Variants in ANKRD33B observed in about 807,000 individuals in gnomAD.
ANKRD33B encodes the protein ankyrin repeat domain 33B.
A neutral mutation model predicts 21.5 loss-of-function variants in ANKRD33B; 6 were observed. The ratio of observed to expected loss-of-function variants is 0.28; its 90% CI spans 0.15 to 0.55. The LOEUF is 0.55. Ranked by LOEUF, ANKRD33B falls within the 20% of genes least tolerant of loss-of-function variation. ANKRD33B has a pLI of 0.94. For synonymous variants in ANKRD33B, 347 were observed against 342.4 expected (o/e 1.01, Z -0.15); for missense variants, 698 against 747.2 (o/e 0.93, Z 0.77).
At chr5:10,626,309 T>A (rs756346048) in intron 2 of ANKRD33B, among the ~76,000 whole-genome samples, 2 of 152,272 alleles carry the variant, frequency 1.3e-5, no homozygotes, top group African/African-American at 2.4e-5. Context: ...CAGCAAGGGC[T>A]GTGCCTGTTT....
intron 2 of ANKRD33B, among the ~76,000 whole-genome samples, chr5:10,637,684 C>T (rs564895690): frequency 3.3e-4 from 50 of 152,170 alleles, no homozygotes; most frequent in African/African-American, 1.2e-3. Flanking sequence ...GCTTCCTGCC[C>T]TCATTGGCTG....
intron 1 of ANKRD33B, among the ~76,000 whole-genome samples, chr5:10,600,782 G>A (rs993678536): frequency 6.6e-6 from 1 of 152,086 alleles, no homozygotes; most frequent in Non-Finnish European, 1.5e-5. Flanking sequence ...CACCTGCTGG[G>A]AACATGAGAG....
chr5:10,618,262 C>T (rs550149557), intron 1 of ANKRD33B, 71 bp from the exon 2 acceptor site: 16 of 1,527,248 alleles, frequency 1.0e-5, no homozygotes, highest in Admixed American at 7.9e-5. Flanking sequence ...GGGTGCCCCT[C>T]GGGGTCCCCA....
chr5:10,566,755 A>G (rs558209716), intron 1 of ANKRD33B, among the ~76,000 whole-genome samples: 12 of 152,288 alleles, frequency 7.9e-5, no homozygotes, highest in African/African-American at 1.2e-4. Flanking sequence ...GTGGTATGGG[A>G]GGCTAGCTCC....
At chr5:10,630,693 G>A (rs555414230) in intron 2 of ANKRD33B, among the ~76,000 whole-genome samples, 1 of 152,278 alleles carries the variant, frequency 6.6e-6, no homozygotes, top group African/African-American at 2.4e-5. Context: ...GTTCAACAAA[G>A]TGTGGACAGT....
rs1737487888 is a variant in ANKRD33B, at chr5:10,656,352, G to T, written c.*6239G>T. ...CAGCCTGACTAAGACTTGATAAAAGGCACAGCCCTTGGCAGCAGGCAGTGC... is the reference window on the plus strand; with the variant it reads ...CAGCCTGACTAAGACTTGATAAAAGTCACAGCCCTTGGCAGCAGGCAGTGC... On this transcript the variant is annotated 3_prime_UTR_variant, in exon 4 of 4. Coordinates refer to ENST00000296657, the MANE Select transcript of ANKRD33B (RefSeq NM_001164440.2). 1 of 152,396 alleles carries T rather than the reference G, an allele frequency of 6.6e-6. No homozygotes were observed. The highest frequency in any genetic ancestry group is 1.5e-5 in the Non-Finnish European group (1 of 68,056). 9.4% of individuals were successfully genotyped at this position (152,396 alleles called of 1,614,324 possible).
chr5:10,605,867 T>C (rs146380932), intron 1 of ANKRD33B, among the ~76,000 whole-genome samples: 3 of 152,342 alleles, frequency 2.0e-5, no homozygotes, highest in South Asian at 4.1e-4. Flanking sequence ...GCCTTGCTAG[T>C]TCCTTTAAGT....
chr5:10,582,221 T>G (rs1560963388), intron 1 of ANKRD33B, among the ~76,000 whole-genome samples: 1 of 152,222 alleles, frequency 6.6e-6, no homozygotes, highest in Non-Finnish European at 1.5e-5. Context: ...ACTCTGCTGT[T>G]ACTGTTTTGA....
intron 3 of ANKRD33B, among the ~76,000 whole-genome samples, 196 bp from the exon 4 acceptor site, chr5:10,649,070 G>T (rs979625181): frequency 4.4e-4 from 66 of 151,074 alleles, no homozygotes; most frequent in Non-Finnish European, 8.3e-4. Context: ...ACGTGTTCCC[G>T]CCACTGCACT....
At position 10,626,911 on chromosome 5, in the gene ANKRD33B, A is replaced by G. The variant is rs370422532; in HGVS notation, c.496+8449A>G. Among the ~76,000 whole-genome samples the G allele has an allele frequency of 1.4e-4, 22 of 152,316 alleles. No homozygotes were observed. The South Asian group carries it at 4.3e-3, about 30-fold the overall frequency. ...AGCAGAATCAGCATTGTGAAGCGCA[A>G]TCTTAAAGCAACCATATGTTTATAT... On this transcript the variant is annotated intron_variant, in intron 2 of 3. Transcript: ENST00000296657.
At chr5:10,618,203 G>A (rs1222920346) in intron 1 of ANKRD33B, 130 bp from the exon 2 acceptor site, 1 of 1,233,176 alleles carries the variant, frequency 8.1e-7, no homozygotes. Flanking sequence ...TCTGAGAATT[G>A]GGACTCCAGG....
At chr5:10,602,733 C>T (rs896357301) in intron 1 of ANKRD33B, among the ~76,000 whole-genome samples, 2 of 151,966 alleles carry the variant, frequency 1.3e-5, no homozygotes, top group Non-Finnish European at 2.9e-5. Flanking sequence ...AAATTGTATG[C>T]AGCATTTTGC....
At chr5:10,591,459 G>A (rs1427959644) in intron 1 of ANKRD33B, among the ~76,000 whole-genome samples, 1 of 152,108 alleles carries the variant, frequency 6.6e-6, no homozygotes, top group Non-Finnish European at 1.5e-5. Context: ...CTCCCAGAGT[G>A]CTGTCCCGCA....
At chr5:10,575,332 G>A (rs1308568190) in intron 1 of ANKRD33B, among the ~76,000 whole-genome samples, 1 of 151,478 alleles carries the variant, frequency 6.6e-6, no homozygotes. Flanking sequence ...CTGAGGCAGG[G>A]GCAGAATTGC....
intron 1 of ANKRD33B, among the ~76,000 whole-genome samples, chr5:10,596,035 G>A (rs1211534648): frequency 1.3e-5 from 2 of 152,194 alleles, no homozygotes; most frequent in Non-Finnish European, 2.9e-5. Flanking sequence ...GGGGATCTTT[G>A]TTTTTGGCAT....
chr5:10,649,535 G>T lies in ANKRD33B; in HGVS notation c.907G>T (p.Gly303Cys). 4 of 1,532,766 alleles carry T rather than the reference G, an allele frequency of 2.6e-6. No homozygotes were observed. The highest frequency in any genetic ancestry group is 3.5e-6 in the Non-Finnish European group (4 of 1,145,322). 94.9% of individuals were successfully genotyped at this position (1,532,766 alleles called of 1,614,324 possible). A position where few individuals can be genotyped will look rare whatever the true frequency, so the allele number is the denominator to read the frequency against. The change falls in exon 4 of 4, where the codon GGC (glycine) becomes TGC (cysteine). Residue 303 changes from glycine to cysteine, a missense_variant. By Grantham distance (159) the Gly-to-Cys change is radical. Around this residue, in one of 3 missense-constraint regions of ANKRD33B, gnomAD observed 543 missense variants for 566.5 expected, o/e 0.96. Transcript: ENST00000296657. ...CTCCGTGCGGGGCCCGGAGGACGGGGGCGTCCTGGACCACATGGTCCGGAT... is the reference window on the plus strand; with the variant it reads ...CTCCGTGCGGGGCCCGGAGGACGGGTGCGTCCTGGACCACATGGTCCGGAT... ...PRSVRGPEDG[G>C]VLDHMVRMTT...
intron 2 of ANKRD33B, chr5:10,625,043 G>A (rs1047954123): frequency 3.1e-6 from 1 of 325,468 alleles, no homozygotes; most frequent in African/African-American, 2.2e-5. Flanking sequence ...GACCAGCAGA[G>A]TCACAGACCC....
intron 1 of ANKRD33B, among the ~76,000 whole-genome samples, chr5:10,578,617 G>A (rs1377123856): frequency 6.6e-6 from 1 of 152,122 alleles, no homozygotes; most frequent in Non-Finnish European, 1.5e-5. Flanking sequence ...TGGAGTTGGG[G>A]AAATGTAGAT....
rs944447821 is a variant in ANKRD33B at position 10,600,637 on chromosome 5, C to T, written c.367-17696C>T. Reference sequence around the variant, plus strand: ...CTGTCCTGAACATTCTTGTATACATCTTCATGTGGATATAGACTTTAATTT... The same window carrying T: ...CTGTCCTGAACATTCTTGTATACATTTTCATGTGGATATAGACTTTAATTT... On this transcript the variant is annotated intron_variant, in intron 1 of 3. Coordinates refer to ENST00000296657, the MANE Select transcript of ANKRD33B (RefSeq NM_001164440.2). 5.3e-5 allele frequency among the ~76,000 whole-genome samples: 8 copies of T among 152,186 alleles called. No homozygotes were observed. In the South Asian group the frequency reaches 6.2e-4, roughly 12 times the overall value.
Sources: gnomAD v4.1 joint callset for allele counts (sites outside exome capture counted in the v4.1 genomes callset) on GRCh38, gnomAD v4.1.1 for gene constraint, gnomAD v4.1.1 regional missense constraint, MANE v1.5 for transcripts, NCBI Gene and HGNC (gene_info 2026-07-23, HGNC 2026-07-21) for gene names.